The following KLHL2 variants were observed in gnomAD, a reference collection of about 807,000 sequenced individuals.
KLHL2 encodes kelch-like protein 2.
In KLHL2, 15 loss-of-function variants were observed where a neutral mutation model predicts 75.8. That is an observed-to-expected ratio of 0.20 (90% CI 0.13 to 0.30). The LOEUF (loss-of-function observed/expected upper bound fraction) is 0.30. Among genes scored for constraint, KLHL2 ranks in the 10% least tolerant of loss-of-function variants. KLHL2 has a pLI of 1.00. For synonymous variants in KLHL2, 214 were observed against 251.9 expected, an observed-to-expected ratio of 0.85 and a Z score of 1.42; for missense variants, 381 against 741.0, an observed-to-expected ratio of 0.51 and a Z score of 5.64.
rs189454895 is a variant in KLHL2, at chr4:165,311,526, A to C, written c.1300A>C (p.Asn434His). The C allele has an allele frequency of 1.9e-6, 3 of 1,614,026 alleles. No individual in the cohort carries two copies. In the East Asian group the frequency reaches 6.7e-5, roughly 36 times the overall value. Residue 434 changes from asparagine (N) to histidine (H), a missense_variant, in exon 11 of 15, where the codon AAT (asparagine) becomes CAT (histidine). By Grantham distance (68) the Asn-to-His change is moderately conservative. This residue lies in a region of KLHL2 where 168 missense variants were observed against 370.4 expected (regional missense o/e 0.45). Transcript: ENST00000226725. ...TGAGTGGTTTCATGTAGCTCCCATGAATACAAGGAGGAGCAGTGTTGGTGT... is the reference window on the plus strand; with the variant it reads ...TGAGTGGTTTCATGTAGCTCCCATGCATACAAGGAGGAGCAGTGTTGGTGT... The part of the protein sequence containing the change: ...SNEWFHVAPM[N>H]TRRSSVGVGV...
chr4:165,282,348 T>C (rs1277624742), intron 5 of KLHL2, among the ~76,000 whole-genome samples: 1 of 152,222 alleles, frequency 6.6e-6, no homozygotes, highest in Non-Finnish European at 1.5e-5. Context: ...CGGAAGAATT[T>C]TTCACTTTGG....
chr4:165,319,844 G>C lies in KLHL2; in HGVS notation c.1753+1875G>C, dbSNP rs1746838127. 6.6e-6 allele frequency among the ~76,000 whole-genome samples: 1 copy of C among 151,900 alleles called. No individual in the cohort carries two copies. The highest frequency in any genetic ancestry group is 1.5e-5 in the Non-Finnish European group (1 of 67,978). On this transcript the variant is annotated intron_variant, in intron 14 of 14. Transcript: ENST00000226725. This position sits in a 1 kb window ranked among gnomAD's most constrained non-coding sequence, Gnocchi z 4.5. ...TGACTTTTTGGTTTTGGTTTTTGGT[G>C]GGTGCAGGATTGCTGTAAGAAAGGC...
At chr4:165,308,807 G>A (rs945277423) in intron 9 of KLHL2, among the ~76,000 whole-genome samples, 1 of 152,276 alleles carries the variant, frequency 6.6e-6, no homozygotes, top group South Asian at 2.1e-4. Context: ...GAAACATGCT[G>A]CCTGGTATGT....
At chr4:165,217,717 A>G (rs1177591663) in intron 1 of KLHL2, among the ~76,000 whole-genome samples, 1 of 152,164 alleles carries the variant, frequency 6.6e-6, no homozygotes, top group Non-Finnish European at 1.5e-5. Context: ...CATGTTGAGT[A>G]CCTGTTTCAT....
At chr4:165,245,234 G>C (rs941351483) in intron 4 of KLHL2, among the ~76,000 whole-genome samples, 9 of 152,058 alleles carry the variant, frequency 5.9e-5, no homozygotes, top group African/African-American at 1.9e-4. Flanking sequence ...AAAAAACTGA[G>C]GGTAGCATGC....
chr4:165,249,838 C>A (rs1740547080), intron 4 of KLHL2, among the ~76,000 whole-genome samples: 1 of 152,102 alleles, frequency 6.6e-6, no homozygotes, highest in African/African-American at 2.4e-5. Flanking sequence ...AAAATAGTTT[C>A]TTTTGGCCGG....
chr4:165,255,092 A>ACTT (rs1741059091), intron 4 of KLHL2, among the ~76,000 whole-genome samples: 1 of 152,226 alleles, frequency 6.6e-6, no homozygotes, highest in African/African-American at 2.4e-5. Flanking sequence ...AATAAGTTGG[A>ACTT]CTTTTAAGAG....
rs746988080 is a variant in KLHL2 at position 165,305,732 on chromosome 4, A to G, written c.1039+7A>G. On this transcript the variant is annotated splice_region_variant and intron_variant, in intron 9 of 14. Transcript: ENST00000226725. ...TCCAGGAGGTGCAGGGCAGGTAAGC[A>G]TGATGCATCATGGTCAATTCTCTAC... The G allele has an allele frequency of 6.4e-6, 10 of 1,560,528 alleles. No individual in the cohort carries two copies. Among genetic ancestry groups the G allele is most frequent in the Non-Finnish European group, 8.8e-6 (10 of 1,131,038 alleles).
chr4:165,221,419 T>C (rs1427791526), intron 2 of KLHL2, among the ~76,000 whole-genome samples: 1 of 152,154 alleles, frequency 6.6e-6, no homozygotes, highest in Non-Finnish European at 1.5e-5. Context: ...GGGAGAACAG[T>C]GTTCCAGGCA....
chr4:165,315,562 G>T (rs1481741623), intron 13 of KLHL2, among the ~76,000 whole-genome samples: 2 of 152,082 alleles, frequency 1.3e-5, no homozygotes, highest in Non-Finnish European at 2.9e-5. Context: ...AACAAAATTT[G>T]AATTATTTAC....
chr4:165,313,111 A>T lies in KLHL2; in HGVS notation c.1340-127A>T, dbSNP rs1053456047. On this transcript the variant is annotated intron_variant, in intron 11 of 14. Coordinates refer to ENST00000226725, the MANE Select transcript of KLHL2 (RefSeq NM_007246.4). ...CCTAATATATTTCATAAAAATCAGC[A>T]GCACTTTAAGGGGAAACTCTGCTGC... The T allele has an allele frequency of 4.8e-6, 4 of 829,662 alleles. No individual in the cohort carries two copies. The Admixed American group carries it at 1.2e-4, about 25-fold the overall frequency. 51.4% of individuals were successfully genotyped at this position (829,662 alleles called of 1,614,324 possible).
At chr4:165,292,585 G>A (rs1008007428) in intron 5 of KLHL2, among the ~76,000 whole-genome samples, 1 of 151,850 alleles carries the variant, frequency 6.6e-6, no homozygotes, top group African/African-American at 2.4e-5. Flanking sequence ...CGCCCACCTT[G>A]GCCTCCCAGA....
At chr4:165,264,605 T>TATATATATACAC (rs757273597) in intron 5 of KLHL2, among the ~76,000 whole-genome samples, 142 of 124,124 alleles carry the variant, frequency 1.1e-3, no homozygotes, top group African/African-American at 2.3e-3. Context: ...TATATATATA[T>TATATATATACAC]ACACACACAC....
At position 165,310,704 on chromosome 4, in the gene KLHL2, G is replaced by C; in HGVS notation, c.1191G>C (p.Val397=). 1.2e-6 allele frequency: 2 copies of C among 1,614,068 alleles called. No individual in the cohort carries two copies. Among genetic ancestry groups the C allele is most frequent in the Non-Finnish European group, 1.7e-6 (2 of 1,179,988 alleles). Residue 397 remains valine (V), a synonymous_variant, in exon 10 of 15, where the codon GTG becomes GTC. Transcript: ENST00000226725. ...GGAGAAGCACTTTGGGAGCTGCTGT[G>C]TTAAATGGATTATTATACGCTGTGG... ...RDRRSTLGAA[V]LNGLLYAVGG...
intron 5 of KLHL2, among the ~76,000 whole-genome samples, chr4:165,284,437 C>T (rs1233896176): frequency 6.6e-6 from 1 of 152,168 alleles, no homozygotes; most frequent in East Asian, 1.9e-4. Context: ...GGACAAAATG[C>T]CGCCAGTCTC....
intron 5 of KLHL2, among the ~76,000 whole-genome samples, chr4:165,277,224 T>C (rs1432552942): frequency 2.0e-5 from 3 of 152,078 alleles, no homozygotes; most frequent in Admixed American, 1.3e-4. Flanking sequence ...GTATAAAATA[T>C]ATAGGCATAT....
intron 4 of KLHL2, among the ~76,000 whole-genome samples, chr4:165,253,456 A>G (rs982151546): frequency 6.6e-6 from 1 of 152,250 alleles, no homozygotes; most frequent in African/African-American, 2.4e-5. Flanking sequence ...AAGTTTGTAT[A>G]TAATCAGTAC....
At chr4:165,299,411 T>G in intron 7 of KLHL2, 96 bp from the exon 8 acceptor site, 2 of 1,107,290 alleles carry the variant, frequency 1.8e-6, no homozygotes, top group Non-Finnish European at 2.5e-6. Flanking sequence ...AAGGATATAG[T>G]TACTGCTTTT....
At chr4:165,229,185 G>A (rs1738688104) in intron 3 of KLHL2, among the ~76,000 whole-genome samples, 2 of 152,060 alleles carry the variant, frequency 1.3e-5, no homozygotes, top group South Asian at 4.1e-4. Context: ...ATTTATAATA[G>A]CTTTTTGGCA....
Sources: gnomAD v4.1 joint callset for allele counts (sites outside exome capture counted in the v4.1 genomes callset) on GRCh38, gnomAD v4.1.1 for gene constraint, gnomAD v4.1.1 regional missense constraint, Gnocchi (gnomAD v3.1) non-coding constraint, MANE v1.5 for transcripts, NCBI Gene and HGNC (gene_info 2026-07-23, HGNC 2026-07-21) for gene names.